PRIM2: variants seen among roughly 807,000 people sequenced by gnomAD.
PRIM2 encodes the protein DNA primase subunit 2.
Under a neutral mutation model 67.3 loss-of-function variants are expected in PRIM2, and 39 were observed. The ratio of observed to expected loss-of-function variants is 0.58; its 90% CI spans 0.45 to 0.76. The LOEUF (loss-of-function observed/expected upper bound fraction) is 0.76, where lower values mean the gene tolerates loss of function less well. Among genes scored for constraint, PRIM2 ranks in the 30% least tolerant of loss-of-function variants. The probability of loss-of-function intolerance (pLI) is 0.00; values close to 1 mark genes in which losing one functional copy is unlikely to be tolerated. For synonymous variants in PRIM2, 143 were observed against 198.7 expected, an observed-to-expected ratio of 0.72 and a Z score of 2.36; for missense variants, 398 against 598.7, an observed-to-expected ratio of 0.66 and a Z score of 3.50.
intron 10 of PRIM2, among the ~76,000 whole-genome samples, chr6:57,592,470 C>T (rs1776297129): frequency 1.3e-5 from 2 of 152,120 alleles, no homozygotes; most frequent in South Asian, 4.1e-4. Flanking sequence ...TCAAGCCGAC[C>T]TTGCATAATG....
At chr6:57,535,973 A>G (rs1183549403) in intron 9 of PRIM2, among the ~76,000 whole-genome samples, 1 of 152,232 alleles carries the variant, frequency 6.6e-6, no homozygotes. Context: ...GATTAGAACA[A>G]TGTTTAGAAA....
chr6:57,413,385 T>C (rs1384157774), intron 7 of PRIM2, among the ~76,000 whole-genome samples: 1 of 151,720 alleles, frequency 6.6e-6, no homozygotes, highest in Non-Finnish European at 1.5e-5. Context: ...TTATAACCTA[T>C]TTGTTTCCCT....
At chr6:57,325,842 T>C in intron 4 of PRIM2, 83 bp from the exon 5 acceptor site, 1 of 1,392,988 alleles carries the variant, frequency 7.2e-7, no homozygotes, top group Non-Finnish European at 9.7e-7. Context: ...TGCTGATGTT[T>C]GAATATTGTT....
intron 7 of PRIM2, among the ~76,000 whole-genome samples, chr6:57,432,147 G>A (rs1280795694): frequency 3.9e-5 from 6 of 152,164 alleles, no homozygotes; most frequent in Admixed American, 6.5e-5. Flanking sequence ...TGACAGAGGA[G>A]GAAGTAAGAT....
chr6:57,308,295 G>C, the PRIM2 span, among the ~76,000 whole-genome samples: 1 of 151,864 alleles, frequency 6.6e-6, no homozygotes, highest in Non-Finnish European at 1.5e-5. Context: ...GCTAATTTTT[G>C]TATTTTTTGT....
At chr6:57,587,301 C>G (rs1470408487) in intron 10 of PRIM2, among the ~76,000 whole-genome samples, 1 of 152,028 alleles carries the variant, frequency 6.6e-6, no homozygotes, top group East Asian at 1.9e-4. Context: ...GCATAACAGT[C>G]CAGGTGTATT....
intron 10 of PRIM2, among the ~76,000 whole-genome samples, chr6:57,590,707 T>C (rs1776269085): frequency 1.3e-5 from 2 of 152,220 alleles, no homozygotes; most frequent in Admixed American, 6.5e-5. Flanking sequence ...CTGGGTGATG[T>C]AAAGAGGAAT....
chr6:57,357,582 C>T (rs1275988812), intron 5 of PRIM2, among the ~76,000 whole-genome samples: 2 of 151,346 alleles, frequency 1.3e-5, no homozygotes, highest in Non-Finnish European at 2.9e-5. Flanking sequence ...AGCGTAGAAA[C>T]CCATCCTCTG....
chr6:57,277,340 T>G, the PRIM2 span, among the ~76,000 whole-genome samples: 2 of 152,168 alleles, frequency 1.3e-5, no homozygotes, highest in African/African-American at 2.4e-5. Context: ...GCAAATTCTG[T>G]ATCTAGCCTG....
intron 7 of PRIM2, among the ~76,000 whole-genome samples, chr6:57,398,593 G>A (rs1770601904): frequency 6.6e-6 from 1 of 152,180 alleles, no homozygotes; most frequent in African/African-American, 2.4e-5. Context: ...AGCATTTGCT[G>A]TGTGGTGATG....
intron 7 of PRIM2, among the ~76,000 whole-genome samples, chr6:57,465,816 T>G (rs1773165363): frequency 1.3e-5 from 2 of 151,566 alleles, no homozygotes; most frequent in African/African-American, 2.4e-5. Context: ...TTCTTGATAA[T>G]GATTCTTTTT....
chr6:57,595,278 G>A (rs1321305393), intron 10 of PRIM2, among the ~76,000 whole-genome samples: 11 of 152,276 alleles, frequency 7.2e-5, no homozygotes, highest in African/African-American at 2.6e-4. Context: ...ATGGCCACTT[G>A]ATTGAGAATA....
intron 7 of PRIM2, among the ~76,000 whole-genome samples, chr6:57,384,225 T>G (rs1399697827): frequency 6.6e-6 from 1 of 152,178 alleles, no homozygotes; most frequent in Non-Finnish European, 1.5e-5. Context: ...GAAATCAAGG[T>G]GTCGGCATGG....
At chr6:57,401,522 G>T (rs1439771658) in intron 7 of PRIM2, among the ~76,000 whole-genome samples, 1 of 152,166 alleles carries the variant, frequency 6.6e-6, no homozygotes, top group Non-Finnish European at 1.5e-5. Flanking sequence ...CCCTCTTAAT[G>T]TGTGGGGTCC....
chr6:57,457,577 C>A (rs1772845007), intron 7 of PRIM2, among the ~76,000 whole-genome samples: 3 of 152,272 alleles, frequency 2.0e-5, no homozygotes, highest in East Asian at 1.9e-4. Context: ...GGGTGTAGGA[C>A]CCCCGAGCCA....
chr6:57,542,955 T>TTTTTTTTTTTTTTG (rs1775199611), intron 10 of PRIM2, among the ~76,000 whole-genome samples: 1 of 124,346 alleles, frequency 8.0e-6, no homozygotes, highest in Non-Finnish European at 1.7e-5. Context: ...TTTTTTTTTT[T>TTTTTTTTTTTTTTG]TTTGAGACGG....
At chr6:57,530,940 C>T (rs1176227766) in intron 8 of PRIM2, among the ~76,000 whole-genome samples, 1 of 152,054 alleles carries the variant, frequency 6.6e-6, no homozygotes, top group African/African-American at 2.4e-5. Flanking sequence ...TGGGCTCAAG[C>T]CATCTGCCTG....
At chr6:57,320,598 A>G (rs1168350464) in intron 3 of PRIM2, 38 bp downstream of exon 3, 2 of 1,302,556 alleles carry the variant, frequency 1.5e-6, no homozygotes, top group African/African-American at 1.5e-5. Flanking sequence ...TTCAGTTTCT[A>G]TGCATTTATG....
chr6:57,489,279 G>A (rs1581949148), intron 7 of PRIM2, among the ~76,000 whole-genome samples: 1 of 152,192 alleles, frequency 6.6e-6, no homozygotes, highest in Non-Finnish European at 1.5e-5. Context: ...TATTTAGGCC[G>A]GGTGCAGTGG....
Sources: gnomAD v4.1 joint callset for allele counts (sites outside exome capture counted in the v4.1 genomes callset) on GRCh38, gnomAD v4.1.1 for gene constraint, MANE v1.5 for transcripts, NCBI Gene and HGNC (gene_info 2026-07-23, HGNC 2026-07-21) for gene names.